PTRH1: variants seen among roughly 807,000 people sequenced by gnomAD.
The protein encoded by PTRH1 is peptidyl-tRNA hydrolase 1 homolog, also known as peptidyl-tRNA hydrolase.
A neutral mutation model predicts 15.7 loss-of-function variants in PTRH1; 13 were observed. The ratio of observed to expected loss-of-function variants is 0.83; its 90% CI spans 0.54 to 1.31. The LOEUF (loss-of-function observed/expected upper bound fraction) is 1.31, where lower values mean the gene tolerates loss of function less well. PTRH1 is among the 40% of genes most tolerant of loss of function. The pLI is 0.00. For missense variants in PTRH1, 319 were observed against 296.2 expected, an observed-to-expected ratio of 1.08 and a Z score of -0.56; for synonymous variants, 139 against 136.7, an observed-to-expected ratio of 1.02 and a Z score of -0.12.
downstream of PTRH1, chr9:127,713,287 G>C (rs376982634): frequency 1.9e-6 from 2 of 1,062,548 alleles, no homozygotes; most frequent in South Asian, 1.6e-5. Context: ...GGCCACAGCT[G>C]TGTGGCCCTG....
downstream of PTRH1, chr9:127,713,296 T>C (rs1842812001): frequency 2.0e-6 from 2 of 992,994 alleles, no homozygotes; most frequent in Admixed American, 6.0e-5. Flanking sequence ...TGTGTGGCCC[T>C]GGGGATGTAA....
At chr9:127,698,987 C>G (rs895158716) in intron 1 of PTRH1, among the ~76,000 whole-genome samples, 1 of 149,694 alleles carries the variant, frequency 6.7e-6, no homozygotes, top group African/African-American at 2.5e-5. Context: ...TGCAACCTCT[C>G]CCTCCCGGGT....
downstream of PTRH1, chr9:127,711,936 T>C (rs778310407): frequency 3.1e-6 from 5 of 1,606,140 alleles, no homozygotes; most frequent in African/African-American, 1.3e-5. Flanking sequence ...TGCAGGTGGA[T>C]AACCAGGCAC....
intron 1 of PTRH1, among the ~76,000 whole-genome samples, chr9:127,708,517 T>G (rs1842696833): frequency 6.6e-6 from 1 of 152,176 alleles, no homozygotes; most frequent in African/African-American, 2.4e-5. Context: ...AAAAAAACTT[T>G]TCAAGTAACT....
At chr9:127,709,280 G>A (rs2131585579), downstream of PTRH1, 1 of 801,366 alleles carries the variant, frequency 1.2e-6, no homozygotes, top group Non-Finnish European at 2.0e-6. This position sits in a 1 kb window ranked among gnomAD's most constrained non-coding sequence, Gnocchi z 4.7. Context: ...GGGGCATAGT[G>A]GGAGATGAGG....
intron 1 of PTRH1, among the ~76,000 whole-genome samples, chr9:127,704,107 G>A (rs1434123810): frequency 1.3e-5 from 2 of 152,186 alleles, no homozygotes; most frequent in Admixed American, 6.5e-5. Flanking sequence ...CACAGAGCTG[G>A]GGGGTTAGGG....
chr9:127,712,215 C>A (rs1178419684), downstream of PTRH1: 6 of 1,613,930 alleles, frequency 3.7e-6, no homozygotes, highest in Middle Eastern at 1.7e-4. Flanking sequence ...GAGAGACCAG[C>A]TGAGCCTGCA....
rs1842935489 is a variant in PTRH1, at chr9:127,715,328, G to T, written c.97-134C>A. On this transcript the variant is annotated intron_variant, in intron 1 of 4. Coordinates refer to ENST00000543175, the MANE Select transcript of PTRH1 (RefSeq NM_001002913.3). The surrounding 1 kb of genome is among the most constrained non-coding windows in gnomAD (Gnocchi z 5.8). ...AGTGGGGAAGGGGCGCGAAGAAGGG[G>T]CCCAGAAACCCGACCCCTGAGAACT... The T allele has an allele frequency of 1.6e-6, 2 of 1,278,884 alleles. No individual in the cohort carries two copies. Among genetic ancestry groups the T allele is most frequent in the Non-Finnish European group, 2.2e-6 (2 of 912,080 alleles). The allele number at this position is 1,278,884 out of a possible 1,614,324, so 79.2% of individuals were successfully genotyped here. A position where few individuals can be genotyped will look rare whatever the true frequency, so the allele number is the denominator to read the frequency against.
downstream of PTRH1, chr9:127,713,031 T>A: frequency 6.2e-7 from 1 of 1,613,420 alleles, no homozygotes. Flanking sequence ...CGGCCCAGCA[T>A]CCAGCTGCCC....
chr9:127,712,567 TCA>T (rs1481403053), downstream of PTRH1: 1 of 1,547,968 alleles, frequency 6.5e-7, no homozygotes, highest in East Asian at 2.4e-5. Context: ...GTCTTGGGCC[TCA>T]GTCTTCCCGA....
At position 127,714,214 on chromosome 9, in the gene PTRH1, C is replaced by G; in HGVS notation, c.531G>C (p.Leu177=). The change falls in exon 5 of 5, where the codon CTG becomes CTC. Residue 177 remains leucine (L), a synonymous_variant. Coordinates refer to ENST00000543175, the MANE Select transcript of PTRH1 (RefSeq NM_001002913.3). The part of the protein sequence containing the change: ...AHPEAVQAHV[L]GCFSPAEQEL... ...CCTGCTCAGCAGGGGAGAAGCAGCC[C>G]AGCACATGGGCCTGAACCGCCTCAG... 6.2e-7 allele frequency: 1 copy of G among 1,613,958 alleles called. No homozygotes were observed. Among genetic ancestry groups the G allele is most frequent in the South Asian group, 1.1e-5 (1 of 91,084 alleles).
intron 1 of PTRH1, chr9:127,695,599 G>A (rs1026789709): frequency 1.3e-5 from 2 of 154,914 alleles, no homozygotes; most frequent in East Asian, 1.9e-4. Context: ...TTAAGCAGCT[G>A]ACCAATCATT....
At chr9:127,695,086 ATGATGATGG>A (rs1414947892) in exon 2 of PTRH1, 10 of 690,164 alleles carry the variant, frequency 1.4e-5, no homozygotes, top group South Asian at 3.0e-5. Context: ...GATGATGATG[ATGATGATGG>A]TGATGATGAT....
At chr9:127,709,763 C>A, downstream of PTRH1, 1 of 1,492,604 alleles carries the variant, frequency 6.7e-7, no homozygotes. This position sits in a 1 kb window ranked among gnomAD's most constrained non-coding sequence, Gnocchi z 4.7. Context: ...TGTTTCTCAC[C>A]TGGGAAACAG....
chr9:127,694,606 T>G (rs1321219968), intron 2 of PTRH1, among the ~76,000 whole-genome samples: 1 of 151,602 alleles, frequency 6.6e-6, no homozygotes, highest in East Asian at 2.0e-4. Flanking sequence ...TTAAATATCC[T>G]TGGAGGAGCA....
chr9:127,709,661 A>G, downstream of PTRH1: 1 of 1,613,738 alleles, frequency 6.2e-7, no homozygotes, highest in South Asian at 1.1e-5. The surrounding 1 kb of genome is among the most constrained non-coding windows in gnomAD (Gnocchi z 4.7). Flanking sequence ...CAGGAGACCA[A>G]GGACCAGCTC....
exon 2 of PTRH1, chr9:127,695,083 ATGATGATGATGG>A (rs747906686): frequency 4.6e-5 from 32 of 701,120 alleles, no homozygotes; most frequent in African/African-American, 2.6e-4. Context: ...GATGATGATG[ATGATGATGATGG>A]TGATGATGAT....
rs548167098 is a variant in PTRH1, at chr9:127,714,175, C to T, written c.570G>A (p.Leu190=). 136 of 1,613,954 alleles carry T rather than the reference C, an allele frequency of 8.4e-5. 2 individuals are homozygous for T. Among genetic ancestry groups the T allele is most frequent in the South Asian group, 8.3e-4 (76 of 91,080 alleles). The change falls in exon 5 of 5, where the codon CTG becomes CTA. Residue 190 remains leucine, a synonymous_variant. Coordinates refer to ENST00000543175, the MANE Select transcript of PTRH1 (RefSeq NM_001002913.3). ...FSPAEQELLP[L]LLDRATDLIL... ...TCAGGTCGGTGGCTCGATCCAGCAA[C>T]AGAGGCAGCAGCTCCTGCTCAGCAG...
intron 1 of PTRH1, among the ~76,000 whole-genome samples, chr9:127,700,877 C>T (rs1240061490): frequency 6.6e-6 from 1 of 152,228 alleles, no homozygotes; most frequent in East Asian, 1.9e-4. Context: ...CAGCAACTTT[C>T]TCCAGATAAG....
Sources: gnomAD v4.1 joint callset for allele counts (sites outside exome capture counted in the v4.1 genomes callset) on GRCh38, gnomAD v4.1.1 for gene constraint, Gnocchi (gnomAD v3.1) non-coding constraint, MANE v1.5 for transcripts, NCBI Gene and HGNC (gene_info 2026-07-23, HGNC 2026-07-21) for gene names.